Variants in DDX23 observed in about 807,000 individuals in gnomAD.
The protein encoded by DDX23 is DEAD-box helicase 23.
DDX23 carries 33 observed loss-of-function variants against 102.7 expected under a neutral mutation model. The ratio of observed to expected loss-of-function variants is 0.32; its 90% confidence interval spans 0.24 to 0.43. The LOEUF is 0.43. DDX23 is among the 20% of genes least tolerant of loss of function. The pLI is 1.00. For missense variants in DDX23, 549 were observed against 1,086.6 expected (o/e 0.51, Z 6.96); for synonymous variants, 352 against 376.0 (o/e 0.94, Z 0.74).
intron 1 of DDX23, among the ~76,000 whole-genome samples, chr12:48,846,667 A>G (rs1477806796): frequency 1.3e-5 from 2 of 152,230 alleles, no homozygotes; most frequent in South Asian, 2.1e-4. Context: ...CTCTATACAC[A>G]TTTTTTAACT....
chr12:48,840,899 A>C (rs1174706620), intron 3 of DDX23, among the ~76,000 whole-genome samples: 1 of 151,982 alleles, frequency 6.6e-6, no homozygotes, highest in Non-Finnish European at 1.5e-5. Context: ...CATGGCCACC[A>C]CCACAAGCCA....
intron 1 of DDX23, chr12:48,847,493 A>C (rs1165416370): frequency 3.3e-5 from 5 of 151,236 alleles, no homozygotes; most frequent in African/African-American, 9.7e-5. Context: ...CCAGCCTGGC[A>C]GCAGAGCGTG....
Position 48,836,846 on chromosome 12 carries a change from T to C in DDX23, c.1010+48A>G. The C allele has an allele frequency of 1.2e-6, 2 of 1,613,552 alleles. No homozygotes were observed. Among genetic ancestry groups the C allele is most frequent in the South Asian group, 2.2e-5 (2 of 91,066 alleles). ...GAATCAGTGCCCTCCAACTCCTTTC[T>C]GTAGAGCCTCTGGGCTCTGTCCAGC... On this transcript the variant is annotated intron_variant, in intron 9 of 16. Coordinates refer to ENST00000308025, the MANE Select transcript of DDX23 (RefSeq NM_004818.3). This position sits in a 1 kb window ranked among gnomAD's most constrained non-coding sequence, Gnocchi z 6.1.
Position 48,843,992 on chromosome 12 carries a change from G to C in DDX23, c.268C>G (p.Arg90Gly), listed in dbSNP as rs763080545. The C allele has an allele frequency of 4.3e-6, 7 of 1,613,980 alleles. No individual in the cohort carries two copies. The highest frequency in any genetic ancestry group is 5.9e-6 in the Non-Finnish European group (7 of 1,180,000). Residue 90 changes from arginine to glycine, a missense_variant, in exon 3 of 17, where the codon CGA becomes GGA. Transcript: ENST00000308025. ...DKERDRNKKD[R>G]DRDKDGHRRD... ...CTGTGCCCATCCTTGTCTCGATCTCGGTCCTTCTTATTCCGATCCCGCTCC... is the reference window on the plus strand; with the variant it reads ...CTGTGCCCATCCTTGTCTCGATCTCCGTCCTTCTTATTCCGATCCCGCTCC...
intron 3 of DDX23, among the ~76,000 whole-genome samples, chr12:48,843,309 C>T (rs924202493): frequency 7.0e-6 from 1 of 142,244 alleles, no homozygotes; most frequent in Non-Finnish European, 1.5e-5. Context: ...AAAAAAAAAA[C>T]CCAAAAAAAA....
intron 1 of DDX23, among the ~76,000 whole-genome samples, chr12:48,850,988 G>A (rs951629410): frequency 7.9e-5 from 12 of 152,162 alleles, no homozygotes; most frequent in Non-Finnish European, 1.3e-4. Flanking sequence ...GGCTGACTCT[G>A]GCCATGCTTC....
At chr12:48,845,818 G>A (rs1401417754) in intron 1 of DDX23, 36 bp from the exon 2 acceptor site, 3 of 1,600,688 alleles carry the variant, frequency 1.9e-6, no homozygotes, top group African/African-American at 1.3e-5. Flanking sequence ...CAATGTACTA[G>A]GCACTGCTCT....
Position 48,836,272 on chromosome 12 carries a change from G to C in DDX23, c.1237-6C>G, listed in dbSNP as rs1235520236. The C allele has an allele frequency of 1.2e-6, 2 of 1,614,068 alleles. No homozygotes were observed. The highest frequency in any genetic ancestry group is 2.2e-5 in the South Asian group (2 of 91,078). On this transcript the variant is annotated splice_region_variant and splice_polypyrimidine_tract_variant and intron_variant, in intron 10 of 16. Coordinates refer to ENST00000308025, the MANE Select transcript of DDX23 (RefSeq NM_004818.3). This position sits in a 1 kb window ranked among gnomAD's most constrained non-coding sequence, Gnocchi z 6.1. Reference sequence around the variant, plus strand: ...CGCTGTATAGGTGTTGGTTCCTGCAGTGACCCCAAGAAAGAGTAATAGGTA... The same window carrying C: ...CGCTGTATAGGTGTTGGTTCCTGCACTGACCCCAAGAAAGAGTAATAGGTA...
intron 12 of DDX23, 166 bp from the exon 13 acceptor site, chr12:48,833,685 C>T (rs1213792962): frequency 1.2e-6 from 1 of 815,712 alleles, no homozygotes; most frequent in Non-Finnish European, 1.9e-6. Context: ...CATGAAATCA[C>T]TTGTTGCCTG....
At chr12:48,839,240 C>T (rs147822807) in intron 5 of DDX23, among the ~76,000 whole-genome samples, 16 of 151,560 alleles carry the variant, frequency 1.1e-4, no homozygotes, top group African/African-American at 3.6e-4. Flanking sequence ...GGAGACAGGA[C>T]ATGTAAAGAG....
intron 16 of DDX23, 125 bp downstream of exon 16, chr12:48,831,017 C>A: frequency 8.9e-7 from 1 of 1,129,658 alleles, no homozygotes; most frequent in South Asian, 1.4e-5. Flanking sequence ...TGGGAGCAAG[C>A]AATCCCAGAC....
rs1192351327 is a variant in DDX23 at position 48,830,220 on chromosome 12, CAAAG to C, written c.*245_*248del. The C allele has an allele frequency of 1.6e-6, 1 of 627,270 alleles. No homozygotes were observed. The highest frequency in any genetic ancestry group is 1.5e-5 in the South Asian group (1 of 66,128). 38.9% of individuals were successfully genotyped at this position (627,270 alleles called of 1,614,324 possible). A position where few individuals can be genotyped will look rare whatever the true frequency, so the allele number is the denominator to read the frequency against. On this transcript the variant is annotated 3_prime_UTR_variant, in exon 17 of 17. Transcript: ENST00000308025. This position sits in a 1 kb window ranked among gnomAD's most constrained non-coding sequence, Gnocchi z 4.9. Reference sequence around the variant, plus strand: ...CTGATGGCCCAGTGCAATCCCAAAGCAAAGAAGGGCAGAACTGGGCCAAGAAGCT... The same window carrying C: ...CTGATGGCCCAGTGCAATCCCAAAGCAAGGGCAGAACTGGGCCAAGAAGCT...
At chr12:48,848,048 G>A (rs1266510562) in intron 1 of DDX23, among the ~76,000 whole-genome samples, 3 of 152,224 alleles carry the variant, frequency 2.0e-5, no homozygotes, top group African/African-American at 7.2e-5. Flanking sequence ...CACTTTGGGA[G>A]GCTGAGGCGG....
chr12:48,831,986 G>T, intron 15 of DDX23, 92 bp downstream of exon 15: 1 of 1,195,332 alleles, frequency 8.4e-7, no homozygotes, highest in Non-Finnish European at 1.2e-6. Flanking sequence ...TAAAGAAAGG[G>T]TGAGACTTGA....
chr12:48,846,351 T>A (rs1938667167), intron 1 of DDX23, among the ~76,000 whole-genome samples: 1 of 152,194 alleles, frequency 6.6e-6, no homozygotes, highest in Non-Finnish European at 1.5e-5. Flanking sequence ...TTAAAAGAAG[T>A]GTTAGTGTAT....
At chr12:48,846,636 TTGG>T (rs1443146675) in intron 1 of DDX23, among the ~76,000 whole-genome samples, 1 of 152,222 alleles carries the variant, frequency 6.6e-6, no homozygotes, top group African/African-American at 2.4e-5. Flanking sequence ...TGGGAAGAAC[TTGG>T]TGAAGGGTAC....
rs1334666024 is a variant in DDX23 at position 48,830,281 on chromosome 12, G to A, written c.*188C>T. On this transcript the variant is annotated 3_prime_UTR_variant, in exon 17 of 17. Transcript: ENST00000308025. The surrounding 1 kb of genome is among the most constrained non-coding windows in gnomAD (Gnocchi z 4.9). ...ATTTGCTCTCCCTGCCTCCGACAGC[G>A]TCGTCCTCTCCTTTTGCAGCCCCAC... 43 of 744,032 alleles carry A rather than the reference G, an allele frequency of 5.8e-5. No homozygotes were observed. The highest frequency in any genetic ancestry group is 1.4e-4 in the East Asian group (5 of 36,730). The allele number at this position is 744,032 out of a possible 1,614,324, so 46.1% of individuals were successfully genotyped here.
In DDX23 at chr12:48,830,804, A is replaced by T; in HGVS notation, c.2240-112T>A. On this transcript the variant is annotated intron_variant, in intron 16 of 16. Coordinates refer to ENST00000308025, the MANE Select transcript of DDX23 (RefSeq NM_004818.3). The surrounding 1 kb of genome is among the most constrained non-coding windows in gnomAD (Gnocchi z 4.9). ...CCACCCCATCTCCAAAGGCAGGAAT[A>T]CAGCACATGCTGCCTGAACCTGAGG... 8.6e-7 allele frequency: 1 copy of T among 1,158,086 alleles called. No individual in the cohort carries two copies. Among genetic ancestry groups the T allele is most frequent in the South Asian group, 1.5e-5 (1 of 64,556 alleles). 71.7% of individuals were successfully genotyped at this position (1,158,086 alleles called of 1,614,324 possible). A position where few individuals can be genotyped will look rare whatever the true frequency, so the allele number is the denominator to read the frequency against.
rs1374992157 is a variant in DDX23, at chr12:48,832,470, T to C, written c.1907A>G (p.His636Arg). ...VVYIGSAGKP[H>R]ERVEQKVFLM... is the part of the protein sequence containing the mutation. The stretch of plus-strand genomic sequence containing the variant: ...GAAGACCTTCTGTTCCACACGCTCA[T>C]GGGGCTTGCCTGCGGAGCCAATGTA... Residue 636 changes from histidine (H) to arginine (R), a missense_variant, in exon 14 of 17, where the codon CAT (histidine) becomes CGT (arginine). By Grantham distance (29) the His-to-Arg change is conservative. Transcript: ENST00000308025. This position sits in a 1 kb window ranked among gnomAD's most constrained non-coding sequence, Gnocchi z 4.4. 1 of 1,614,066 alleles carries C rather than the reference T, an allele frequency of 6.2e-7. No individual in the cohort carries two copies. Among genetic ancestry groups the C allele is most frequent in the African/African-American group, 1.3e-5 (1 of 74,936 alleles).
Sources: gnomAD v4.1 joint callset for allele counts (sites outside exome capture counted in the v4.1 genomes callset) on GRCh38, gnomAD v4.1.1 for gene constraint, Gnocchi (gnomAD v3.1) non-coding constraint, MANE v1.5 for transcripts, NCBI Gene and HGNC (gene_info 2026-07-23, HGNC 2026-07-21) for gene names.